The following RFX4 variants were observed in gnomAD, a reference collection of about 807,000 sequenced individuals.
The protein encoded by RFX4 is regulatory factor X4.
Under a neutral mutation model 95.0 loss-of-function variants are expected in RFX4, and 10 were observed. That is an observed-to-expected ratio of 0.11 (90% CI 0.06 to 0.18). The LOEUF is 0.18. Ranked by LOEUF, RFX4 falls within the 10% of genes least tolerant of loss-of-function variation. RFX4 has a pLI of 1.00. For synonymous variants in RFX4, 321 were observed against 340.7 expected, an observed-to-expected ratio of 0.94 and a Z score of 0.64; for missense variants, 640 against 922.0, an observed-to-expected ratio of 0.69 and a Z score of 3.96.
At chr12:106,639,253 A>G (rs145606271) in intron 2 of RFX4, 79 bp from the exon 3 acceptor site, 25 of 1,237,948 alleles carry the variant, frequency 2.0e-5, no homozygotes, top group Non-Finnish European at 2.8e-5. Context: ...GTCTTTTGAA[A>G]CTTGGGAGAG....
intron 4 of RFX4, among the ~76,000 whole-genome samples, chr12:106,659,226 G>A (rs866863595): frequency 2.0e-5 from 3 of 152,020 alleles, no homozygotes; most frequent in Admixed American, 6.6e-5. Context: ...CCCTAGCCCA[G>A]CTGGGGTCTG....
At chr12:106,732,640 C>T (rs1450998761) in intron 14 of RFX4, among the ~76,000 whole-genome samples, 3 of 152,236 alleles carry the variant, frequency 2.0e-5, no homozygotes, top group South Asian at 2.1e-4. Context: ...GCAGAGGTTG[C>T]AGTGAGCCGA....
chr12:106,737,902 A>C (rs1002737302), intron 15 of RFX4, among the ~76,000 whole-genome samples: 6 of 152,184 alleles, frequency 3.9e-5, no homozygotes, highest in African/African-American at 1.4e-4. Context: ...GAGGAGGAAG[A>C]ATGTGATCAG....
intron 15 of RFX4, among the ~76,000 whole-genome samples, chr12:106,734,179 G>A (rs539031948): frequency 6.6e-6 from 1 of 152,332 alleles, no homozygotes; most frequent in South Asian, 2.1e-4. Context: ...GAAGGGAAAT[G>A]AGGAGTTAGT....
At position 106,699,834 on chromosome 12, in the gene RFX4, C is replaced by T. The variant is rs538396535; in HGVS notation, c.833+3388C>T. Reference sequence around the variant, plus strand: ...GAGGTCTTTCTTTTTTATTGTCTGGCAATTTTCCTTTTTAGTTGGTATGGT... The same window carrying T: ...GAGGTCTTTCTTTTTTATTGTCTGGTAATTTTCCTTTTTAGTTGGTATGGT... On this transcript the variant is annotated intron_variant, in intron 8 of 17. Coordinates refer to ENST00000392842, the MANE Select transcript of RFX4 (RefSeq NM_213594.3). Among the ~76,000 whole-genome samples, 6 of 151,958 alleles carry T rather than the reference C, an allele frequency of 3.9e-5. 1 individual carries two copies. The South Asian group carries it at 1.2e-3, about 32-fold the overall frequency.
intron 6 of RFX4, 26 bp downstream of exon 6, chr12:106,687,123 G>A (rs375849304): frequency 3.3e-4 from 531 of 1,605,104 alleles, no homozygotes; most frequent in Non-Finnish European, 4.2e-4. Context: ...GTGACTATTT[G>A]GGGTGGGTGG....
chr12:106,588,300 C>T (rs111514474), intron 1 of RFX4, among the ~76,000 whole-genome samples: 48 of 152,326 alleles, frequency 3.2e-4, no homozygotes, highest in African/African-American at 1.1e-3. Flanking sequence ...GGCCAACTCC[C>T]TCCATCCCCA....
chr12:106,622,768 G>A (rs560163526), intron 2 of RFX4, among the ~76,000 whole-genome samples: 18 of 151,566 alleles, frequency 1.2e-4, no homozygotes, highest in Admixed American at 3.3e-4. Context: ...CTACAGGCAC[G>A]TGCCACCACG....
intron 16 of RFX4, among the ~76,000 whole-genome samples, chr12:106,749,230 T>C (rs1275398025): frequency 1.5e-5 from 2 of 135,668 alleles, no homozygotes; most frequent in Non-Finnish European, 3.0e-5. Context: ...CATTCCAGCC[T>C]GGAGAATAGA....
intron 6 of RFX4, among the ~76,000 whole-genome samples, chr12:106,687,310 T>C (rs368012773): frequency 2.6e-5 from 4 of 151,852 alleles, no homozygotes; most frequent in African/African-American, 9.7e-5. Flanking sequence ...TTTCAGCACT[T>C]GGGAGGCTGA....
intron 4 of RFX4, among the ~76,000 whole-genome samples, chr12:106,680,477 G>C (rs2041483808): frequency 6.6e-6 from 1 of 152,302 alleles, no homozygotes; most frequent in Non-Finnish European, 1.5e-5. Context: ...CAGCTAACAA[G>C]GTCACAGTCC....
chr12:106,655,866 C>T (rs534058775), intron 4 of RFX4, among the ~76,000 whole-genome samples: 7 of 152,142 alleles, frequency 4.6e-5, no homozygotes, highest in South Asian at 2.1e-4. Context: ...CTACCATGTG[C>T]GATTACAACT....
At position 106,733,072 on chromosome 12, in the gene RFX4, C is replaced by T. The variant is rs760246291; in HGVS notation, c.1620C>T (p.Gly540=). 1.2e-6 allele frequency: 2 copies of T among 1,614,034 alleles called. No homozygotes were observed. Among genetic ancestry groups the T allele is most frequent in the African/African-American group, 1.3e-5 (1 of 74,924 alleles). The change falls in exon 15 of 18, where the codon GGC becomes GGT. Residue 540 remains glycine (G), a synonymous_variant. Transcript: ENST00000392842. ...GCAATCCTTCCCCTGAGTACACTGG[C>T]CTCAGCACTACAGGTAATGGAAAGT... ...PVSNPSPEYT[G]LSTTGAMQSY...
rs563719638 is a variant in RFX4 at position 106,596,552 on chromosome 12, G to A, written c.44-12245G>A. Among the ~76,000 whole-genome samples the A allele has an allele frequency of 3.3e-5, 5 of 152,324 alleles. No individual in the cohort carries two copies. In the South Asian group the frequency reaches 1.0e-3, roughly 32 times the overall value. The stretch of plus-strand genomic sequence containing the variant: ...TTGAGGCAATATCTCATAAACCAGT[G>A]AATTGGAAGGATCATTCATTCCCAT... On this transcript the variant is annotated intron_variant, in intron 1 of 17. Transcript: ENST00000392842.
rs145004217 is a variant in RFX4 at position 106,757,172 on chromosome 12, T to G, written c.1936-4025T>G. The stretch of plus-strand genomic sequence containing the variant: ...AAGAACATTAATAACAGCTAACACT[T>G]TTTGAAAACTTACTACATAGGAGTT... On this transcript the variant is annotated intron_variant, in intron 17 of 17. Transcript: ENST00000392842. Among the ~76,000 whole-genome samples the G allele has an allele frequency of 8.3e-3, 1,268 of 152,320 alleles. 19 individuals are homozygous for G. Among genetic ancestry groups the G allele is most frequent in the African/African-American group, 0.029 (1,197 of 41,574 alleles).
chr12:106,665,672 C>A (rs1262220394), intron 4 of RFX4, among the ~76,000 whole-genome samples: 1 of 151,814 alleles, frequency 6.6e-6, no homozygotes, highest in Non-Finnish European at 1.5e-5. Flanking sequence ...CATAAAAAAA[C>A]CTTTTAAATG....
intron 13 of RFX4, among the ~76,000 whole-genome samples, chr12:106,729,212 A>C (rs772549082): frequency 6.6e-6 from 1 of 152,184 alleles, no homozygotes; most frequent in Admixed American, 6.5e-5. Context: ...TCATTATTTC[A>C]TAGTACATTT....
At chr12:106,585,012 C>T (rs992095368) in intron 1 of RFX4, among the ~76,000 whole-genome samples, 1 of 152,258 alleles carries the variant, frequency 6.6e-6, no homozygotes. Flanking sequence ...AGCGCCTTTT[C>T]CACCATTTTT....
chr12:106,630,505 G>T (rs1267636028), intron 2 of RFX4, among the ~76,000 whole-genome samples: 2 of 152,210 alleles, frequency 1.3e-5, no homozygotes, highest in Admixed American at 6.5e-5. Context: ...ACTGCCAAAG[G>T]CCTGGGTGCC....
Sources: gnomAD v4.1 joint callset for allele counts (sites outside exome capture counted in the v4.1 genomes callset) on GRCh38, gnomAD v4.1.1 for gene constraint, MANE v1.5 for transcripts, NCBI Gene and HGNC (gene_info 2026-07-23, HGNC 2026-07-21) for gene names.